CNTN4: variants seen among roughly 807,000 people sequenced by gnomAD.
CNTN4 encodes contactin 4.
CNTN4 carries 77 observed loss-of-function variants against 122.5 expected under a neutral mutation model. The ratio of observed to expected loss-of-function variants is 0.63; its 90% CI spans 0.52 to 0.76. The LOEUF (loss-of-function observed/expected upper bound fraction) is 0.76. Among genes scored for constraint, CNTN4 ranks in the 30% least tolerant of loss-of-function variants. The pLI, the probability that CNTN4 is intolerant of heterozygous loss-of-function variation, is 0.00. For missense variants in CNTN4, 1,256 were observed against 1,259.1 expected (o/e 1.00, Z 0.04); for synonymous variants, 512 against 447.0 (o/e 1.15, Z -1.83).
At chr3:2,815,028 A>G (rs1310536958) in intron 6 of CNTN4, among the ~76,000 whole-genome samples, 1 of 152,194 alleles carries the variant, frequency 6.6e-6, no homozygotes, top group Admixed American at 6.5e-5. Context: ...CCCAAGTACC[A>G]AGGCTTTGGA....
chr3:3,053,729 G>A (rs1384542789), intron 23 of CNTN4, 78 bp from the exon 24 acceptor site: 1 of 1,486,066 alleles, frequency 6.7e-7, no homozygotes, highest in Non-Finnish European at 9.4e-7. Context: ...CGTGCCCAGA[G>A]GTGAAAACAA....
intron 3 of CNTN4, among the ~76,000 whole-genome samples, chr3:2,347,231 G>A (rs2044430369): frequency 6.6e-6 from 1 of 152,006 alleles, no homozygotes; most frequent in Non-Finnish European, 1.5e-5. Flanking sequence ...AAGTTAACAG[G>A]GGAGCTCTGT....
chr3:2,523,524 A>G (rs1042823501), intron 3 of CNTN4, among the ~76,000 whole-genome samples: 10 of 152,050 alleles, frequency 6.6e-5, no homozygotes, highest in Non-Finnish European at 1.5e-4. Flanking sequence ...GTCTTTGGTG[A>G]TGCAAGTGTG....
chr3:3,047,958 G>T (rs1467264530), intron 23 of CNTN4, among the ~76,000 whole-genome samples: 1 of 152,142 alleles, frequency 6.6e-6, no homozygotes, highest in African/African-American at 2.4e-5. Flanking sequence ...CACCACCCTT[G>T]AGAGTGGGTA....
chr3:3,040,262 G>T lies in CNTN4; in HGVS notation c.2389G>T (p.Ala797Ser). The T allele has an allele frequency of 6.2e-7, 1 of 1,610,724 alleles. No homozygotes were observed. Among genetic ancestry groups the T allele is most frequent in the Non-Finnish European group, 8.5e-7 (1 of 1,176,844 alleles). Residue 797 changes from alanine to serine, a missense_variant, in exon 20 of 25, where the codon GCA (alanine) becomes TCA (serine). Coordinates refer to ENST00000418658, the MANE Select transcript of CNTN4 (RefSeq NM_175607.3). Reference protein sequence around the residue: ...PFSPTTVVYSAEEEPTKPPAS... With the variant: ...PFSPTTVVYSSEEEPTKPPAS... ...CAGTCCCACCACGGTGGTGTATTCT[G>T]CAGAAGAAGGTATCGTTTATGCTGC...
intron 7 of CNTN4, among the ~76,000 whole-genome samples, chr3:2,829,663 A>C (rs2093061124): frequency 6.6e-6 from 1 of 152,218 alleles, no homozygotes; most frequent in Admixed American, 6.5e-5. Flanking sequence ...TTTTTAAAAC[A>C]ACTTGAATGT....
intron 2 of CNTN4, among the ~76,000 whole-genome samples, chr3:2,213,853 G>T (rs1422215352): frequency 6.6e-6 from 1 of 152,090 alleles, no homozygotes; most frequent in African/African-American, 2.4e-5. Context: ...TTCTTATATT[G>T]CACACAACTT....
chr3:2,591,426 G>GGGATCTC (rs2080475344), intron 4 of CNTN4, among the ~76,000 whole-genome samples: 1 of 43,412 alleles, frequency 2.3e-5, no homozygotes, highest in Non-Finnish European at 5.3e-5. Flanking sequence ...GTGCAGTGGC[G>GGGATCTC]GGATCTCGGC....
At chr3:2,730,860 T>C (rs1426406369) in intron 4 of CNTN4, among the ~76,000 whole-genome samples, 1 of 151,996 alleles carries the variant, frequency 6.6e-6, no homozygotes, top group African/African-American at 2.4e-5. Flanking sequence ...CTGAGTAGTA[T>C]CCTGCTTGCC....
At chr3:2,760,081 G>A (rs9863599) in intron 6 of CNTN4, among the ~76,000 whole-genome samples, 1 of 151,718 alleles carries the variant, frequency 6.6e-6, no homozygotes, top group African/African-American at 2.4e-5. Flanking sequence ...TCATACAAGC[G>A]CCTTGTCAAA....
At chr3:2,788,643 CCTATT>C (rs2091914164) in intron 6 of CNTN4, among the ~76,000 whole-genome samples, 1 of 152,132 alleles carries the variant, frequency 6.6e-6, no homozygotes, top group African/African-American at 2.4e-5. Context: ...CATAAAGACT[CCTATT>C]CTAAAGGTCA....
chr3:2,448,229 C>T (rs763768189), intron 3 of CNTN4, among the ~76,000 whole-genome samples: 8 of 152,178 alleles, frequency 5.3e-5, no homozygotes, highest in Non-Finnish European at 1.0e-4. Context: ...AAAGAGGTCA[C>T]AAGCCTGGGG....
At chr3:2,253,005 A>C (rs755504567) in intron 2 of CNTN4, among the ~76,000 whole-genome samples, 3 of 152,104 alleles carry the variant, frequency 2.0e-5, no homozygotes, top group Non-Finnish European at 4.4e-5. Context: ...CAGCACAATG[A>C]AAAAAACCAA....
intron 3 of CNTN4, chr3:2,362,589 C>T: frequency 1.9e-6 from 1 of 526,134 alleles, no homozygotes; most frequent in Admixed American, 2.1e-5. Context: ...GCTTCTTGGA[C>T]ACCTACTCCT....
intron 2 of CNTN4, among the ~76,000 whole-genome samples, chr3:2,320,502 T>C (rs949567545): frequency 1.2e-4 from 19 of 152,200 alleles, no homozygotes; most frequent in African/African-American, 3.9e-4. Context: ...CTATGCTATT[T>C]GCTATGTATC....
intron 3 of CNTN4, among the ~76,000 whole-genome samples, chr3:2,396,911 T>G: frequency 6.6e-6 from 1 of 152,072 alleles, no homozygotes; most frequent in East Asian, 1.9e-4. Flanking sequence ...TGTTATGGGG[T>G]TTAGGATATT....
At position 3,038,947 on chromosome 3, in the gene CNTN4, C is replaced by T; in HGVS notation, c.2107C>T (p.Pro703Ser). Residue 703 changes from proline to serine, a missense_variant, in exon 19 of 25, where the codon CCA becomes TCA. Physicochemically the swap from Pro to Ser is moderately conservative, Grantham distance 74. Transcript: ENST00000418658. ...RTEEALPEVT[P>S]ANVSGGGGSK... ...TCCTTGTGCAGTCCCCGAAGTCACA[C>T]CAGCGAATGTCAGTGGTGGCGGAGG... The T allele has an allele frequency of 1.2e-6, 2 of 1,614,130 alleles. No homozygotes were observed. The highest frequency in any genetic ancestry group is 1.7e-6 in the Non-Finnish European group (2 of 1,179,968).
intron 2 of CNTN4, among the ~76,000 whole-genome samples, chr3:2,145,383 A>G (rs1183509748): frequency 2.6e-5 from 4 of 152,186 alleles, no homozygotes; most frequent in Admixed American, 2.0e-4. Flanking sequence ...GCCTTGTCAC[A>G]TTGCATCTCT....
At chr3:2,729,199 C>T (rs935858199) in intron 4 of CNTN4, among the ~76,000 whole-genome samples, 2 of 152,220 alleles carry the variant, frequency 1.3e-5, no homozygotes, top group African/African-American at 4.8e-5. Flanking sequence ...CACGGAGTAG[C>T]CGCAGAGTGA....
Sources: allele counts gnomAD v4.1 joint callset (sites outside exome capture counted in the v4.1 genomes callset), GRCh38; gene constraint gnomAD v4.1.1; transcripts MANE v1.5; gene names NCBI Gene and HGNC (gene_info 2026-07-23, HGNC 2026-07-21).